Variants in SH3GL2 observed in about 807,000 individuals in gnomAD.
SH3GL2 encodes endophilin-A1.
A neutral mutation model predicts 46.0 loss-of-function variants in SH3GL2; 24 were observed. That is an observed-to-expected ratio of 0.52 (90% CI 0.38 to 0.73). The LOEUF is 0.73. SH3GL2 is among the 30% of genes least tolerant of loss of function. The probability of loss-of-function intolerance (pLI) is 0.00; values close to 1 mark genes in which losing one functional copy is unlikely to be tolerated. For synonymous variants in SH3GL2, 196 were observed against 147.1 expected, an observed-to-expected ratio of 1.33 and a Z score of -2.40; for missense variants, 413 against 424.2, an observed-to-expected ratio of 0.97 and a Z score of 0.23.
intron 3 of SH3GL2, among the ~76,000 whole-genome samples, chr9:17,778,220 A>G (rs1823699455): frequency 6.6e-6 from 1 of 152,158 alleles, no homozygotes; most frequent in African/African-American, 2.4e-5. Flanking sequence ...TCTGTAGATG[A>G]AGAAATCCAT....
intron 3 of SH3GL2, among the ~76,000 whole-genome samples, chr9:17,785,741 T>A (rs1823937926): frequency 6.6e-6 from 1 of 152,204 alleles, no homozygotes; most frequent in Admixed American, 6.5e-5. Context: ...AAATGTTCTC[T>A]TTGAGGCACA....
At chr9:17,637,470 C>G (rs117683247) in intron 1 of SH3GL2, among the ~76,000 whole-genome samples, 1 of 152,094 alleles carries the variant, frequency 6.6e-6, no homozygotes, top group Admixed American at 6.6e-5. Context: ...TTTACTTAGT[C>G]GGGAACTCCT....
chr9:17,743,902 G>A (rs1002939367), intron 1 of SH3GL2, among the ~76,000 whole-genome samples: 3 of 152,170 alleles, frequency 2.0e-5, no homozygotes, highest in Admixed American at 6.5e-5. Context: ...ATTAATGAAA[G>A]CATCTCTCAG....
intron 2 of SH3GL2, among the ~76,000 whole-genome samples, chr9:17,747,945 G>T (rs1418525583): frequency 6.6e-6 from 1 of 152,066 alleles, no homozygotes; most frequent in Non-Finnish European, 1.5e-5. Flanking sequence ...AAGTGCTGAG[G>T]TTCCAGGCAT....
In SH3GL2 at chr9:17,637,470, C is replaced by A. The variant is rs117683247; in HGVS notation, c.45+58183C>A. Among the ~76,000 whole-genome samples the A allele has an allele frequency of 2.0e-3, 310 of 152,212 alleles. 6 individuals are homozygous for A. The East Asian group carries it at 0.049, about 24-fold the overall frequency. On this transcript the variant is annotated intron_variant, in intron 1 of 8. Coordinates refer to ENST00000380607, the MANE Select transcript of SH3GL2 (RefSeq NM_003026.5). ...TTTATGTCTGTGTTCTTTACTTAGTCGGGAACTCCTATAGCTAGGAACTGT... is the reference window on the plus strand; with the variant it reads ...TTTATGTCTGTGTTCTTTACTTAGTAGGGAACTCCTATAGCTAGGAACTGT...
At chr9:17,676,973 C>T (rs1215375588) in intron 1 of SH3GL2, among the ~76,000 whole-genome samples, 6 of 152,064 alleles carry the variant, frequency 3.9e-5, no homozygotes, top group African/African-American at 4.8e-5. Flanking sequence ...TGGCTTCCCT[C>T]GGGAGAGACT....
intron 3 of SH3GL2, among the ~76,000 whole-genome samples, chr9:17,786,178 C>T (rs1263196385): frequency 6.6e-6 from 1 of 152,056 alleles, no homozygotes; most frequent in Admixed American, 6.6e-5. Flanking sequence ...ATTTTAAGAT[C>T]TTAAGGGAAA....
In SH3GL2 at chr9:17,761,479, A is replaced by G. The variant is rs1233705793; in HGVS notation, c.157A>G (p.Lys53Glu). ...TSRAVMEIMT[K>E]TIEYLQPNPA... ...CAGGGCTGTGATGGAAATAATGACTAAAACAATTGAATACCTTCAACCCAA... is the reference window on the plus strand; with the variant it reads ...CAGGGCTGTGATGGAAATAATGACTGAAACAATTGAATACCTTCAACCCAA... Residue 53 changes from lysine (K) to glutamate (E), a missense_variant, in exon 3 of 9, where the codon AAA becomes GAA. Coordinates refer to ENST00000380607, the MANE Select transcript of SH3GL2 (RefSeq NM_003026.5). 1.2e-6 allele frequency: 2 copies of G among 1,605,904 alleles called. No homozygotes were observed. The highest frequency in any genetic ancestry group is 1.3e-5 in the African/African-American group (1 of 74,794).
At chr9:17,765,364 G>C (rs1198613693) in intron 3 of SH3GL2, among the ~76,000 whole-genome samples, 2 of 152,182 alleles carry the variant, frequency 1.3e-5, no homozygotes, top group Admixed American at 6.5e-5. Context: ...TTCACGTCTT[G>C]GGGGTGTGGA....
At chr9:17,724,605 G>A (rs995533759) in intron 1 of SH3GL2, among the ~76,000 whole-genome samples, 2 of 152,100 alleles carry the variant, frequency 1.3e-5, no homozygotes, top group Non-Finnish European at 1.5e-5. Flanking sequence ...GTGTGTGTAT[G>A]TGTTTGAATG....
intron 1 of SH3GL2, among the ~76,000 whole-genome samples, chr9:17,647,421 C>CTCTG (rs1294591651): frequency 1.4e-5 from 2 of 144,084 alleles, no homozygotes; most frequent in East Asian, 2.0e-4. Context: ...TTCTCTCTCT[C>CTCTG]TCTCTCTGTC....
intron 1 of SH3GL2, among the ~76,000 whole-genome samples, chr9:17,668,122 A>G (rs531572071): frequency 6.6e-6 from 1 of 152,336 alleles, no homozygotes; most frequent in African/African-American, 2.4e-5. Context: ...TTTGAAACAC[A>G]AAGTTTTGAT....
chr9:17,690,140 T>G (rs988225806), intron 1 of SH3GL2, among the ~76,000 whole-genome samples: 1 of 152,182 alleles, frequency 6.6e-6, no homozygotes, highest in African/African-American at 2.4e-5. Flanking sequence ...TTGCCAAAAC[T>G]GCAGCAGTTG....
rs191526584 is a variant in SH3GL2 at position 17,790,335 on chromosome 9, A to C, written c.624+785A>C. 517 of 422,072 alleles carry C rather than the reference A, an allele frequency of 1.2e-3. 4 individuals are homozygous for C. Among genetic ancestry groups the C allele is most frequent in the African/African-American group, 1.0e-2 (464 of 46,472 alleles). 26.1% of individuals were successfully genotyped at this position (422,072 alleles called of 1,614,324 possible). A position where few individuals can be genotyped will look rare whatever the true frequency, so the allele number is the denominator to read the frequency against. ...ACCCAGAAATAATGCTTTACCAGCT[A>C]TCTGGGGATCCCTTAATCTAGTCAA... On this transcript the variant is annotated intron_variant, in intron 6 of 8. Coordinates refer to ENST00000380607, the MANE Select transcript of SH3GL2 (RefSeq NM_003026.5).
At chr9:17,743,246 G>A (rs906778569) in intron 1 of SH3GL2, among the ~76,000 whole-genome samples, 1 of 152,188 alleles carries the variant, frequency 6.6e-6, no homozygotes, top group African/African-American at 2.4e-5. Context: ...TGTTAAATTC[G>A]GGGCCTTGAT....
chr9:17,713,338 C>G (rs1306844078), intron 1 of SH3GL2, among the ~76,000 whole-genome samples: 1 of 151,418 alleles, frequency 6.6e-6, no homozygotes, highest in Non-Finnish European at 1.5e-5. Flanking sequence ...TATTGATCTT[C>G]TCAAATAACA....
At chr9:17,668,846 T>C (rs543557305) in intron 1 of SH3GL2, among the ~76,000 whole-genome samples, 23 of 152,192 alleles carry the variant, frequency 1.5e-4, no homozygotes, top group African/African-American at 5.5e-4. Flanking sequence ...TTAATAGAGA[T>C]GAGGTTTTGC....
intron 1 of SH3GL2, among the ~76,000 whole-genome samples, chr9:17,661,930 G>A (rs1430366352): frequency 6.6e-6 from 1 of 152,138 alleles, no homozygotes; most frequent in African/African-American, 2.4e-5. Flanking sequence ...TGGTTGCAAT[G>A]GGATGATTTT....
intron 1 of SH3GL2, among the ~76,000 whole-genome samples, chr9:17,686,157 A>C (rs1225381227): frequency 7.6e-6 from 1 of 132,424 alleles, no homozygotes; most frequent in African/African-American, 3.2e-5. Context: ...TCAAAAGAAG[A>C]CATTTATGCA....
Sources: gnomAD v4.1 joint callset for allele counts (sites outside exome capture counted in the v4.1 genomes callset) on GRCh38, gnomAD v4.1.1 for gene constraint, MANE v1.5 for transcripts, NCBI Gene and HGNC (gene_info 2026-07-23, HGNC 2026-07-21) for gene names.